HPD: variants seen among roughly 807,000 people sequenced by gnomAD.
The protein encoded by HPD is 4-hydroxyphenylpyruvic acid oxidase.
HPD carries 35 observed loss-of-function variants against 56.9 expected under a neutral mutation model. That is an observed-to-expected ratio of 0.62 (90% confidence interval 0.47 to 0.82). The LOEUF is 0.82. Ranked by LOEUF, HPD falls within the 40% of genes least tolerant of loss-of-function variation. The pLI is 0.00. For missense variants in HPD, 442 were observed against 506.8 expected (o/e 0.87, Z 1.23); for synonymous variants, 186 against 200.2 (o/e 0.93, Z 0.60).
chr12:121,848,998 C>T lies in HPD; in HGVS notation c.596+1G>A, dbSNP rs956518500. ...GCAGAGGGAGAGGGCCAAGGTCTCA[C>T]CATTCGGAGGCGGACACCATCTCCT... On this transcript the variant is annotated splice_donor_variant, in intron 9 of 13. Coordinates refer to ENST00000289004, the MANE Select transcript of HPD (RefSeq NM_002150.3). LOFTEE classifies it high-confidence loss of function. 6.2e-7 allele frequency: 1 copy of T among 1,612,302 alleles called. No individual in the cohort carries two copies.
rs1877480742 is a variant in HPD at position 121,843,705 on chromosome 12, CTCACCTCCAGGGCA to C, written c.945_954+4del. ...ACAAGGCTGCGGATCCTGCCTGGGCCTCACCTCCAGGGCATCAATGTTCTCCTTCACCTTGATCT... is the reference window on the plus strand; with the variant it reads ...ACAAGGCTGCGGATCCTGCCTGGGCCTCAATGTTCTCCTTCACCTTGATCT... On this transcript the variant is annotated splice_donor_variant and splice_donor_region_variant and coding_sequence_variant and intron_variant, in exon 12 of 14. Transcript: ENST00000289004. LOFTEE classifies it high-confidence loss of function. 1 of 1,613,918 alleles carries C rather than the reference CTCACCTCCAGGGCA, an allele frequency of 6.2e-7. No homozygotes were observed. Among genetic ancestry groups the C allele is most frequent in the Admixed American group, 1.7e-5 (1 of 59,968 alleles).
At chr12:121,844,895 TAAATAAA>T (rs146863398) in intron 11 of HPD, among the ~76,000 whole-genome samples, 8,004 of 149,018 alleles carry the variant, frequency 0.054, 404 homozygotes, top group East Asian at 0.22. Flanking sequence ...TAAAATAAAA[TAAATAAA>T]AAATAAAAAA....
chr12:121,856,133 CCAGCATCTGGGCTTGTCACTGTGATG>C lies in HPD; in HGVS notation c.324+165_324+190del, dbSNP rs1185294366. ...CCCCGGAGCCCAGGTGTGTGTCACA[CCAGCATCTGGGCTTGTCACTGTGATG>C]CAGCATCTGGGCTTGTCACTGTGAT... is the stretch of plus-strand genomic sequence containing the variant. On this transcript the variant is annotated intron_variant, in intron 6 of 13. Coordinates refer to ENST00000289004, the MANE Select transcript of HPD (RefSeq NM_002150.3). 99 of 667,044 alleles carry C rather than the reference CCAGCATCTGGGCTTGTCACTGTGATG, an allele frequency of 1.5e-4. 2 individuals are homozygous for C. Among genetic ancestry groups the C allele is most frequent in the South Asian group, 5.0e-4 (30 of 60,510 alleles). The allele number at this position is 667,044 out of a possible 1,614,324, so 41.3% of individuals were successfully genotyped here.
At chr12:121,843,503 T>G (rs750243713) in intron 12 of HPD, among the ~76,000 whole-genome samples, 6 of 152,234 alleles carry the variant, frequency 3.9e-5, no homozygotes, top group Non-Finnish European at 8.8e-5. Flanking sequence ...CTGTTTGAAC[T>G]TCCTGCACTG....
chr12:121,878,110 G>A, the HPD span, among the ~76,000 whole-genome samples: 1 of 152,166 alleles, frequency 6.6e-6, no homozygotes, highest in African/African-American at 2.4e-5. Context: ...GATAGAGGTG[G>A]TGGTTGCACA....
upstream of HPD, among the ~76,000 whole-genome samples, chr12:121,865,660 G>A (rs1878308430): frequency 2.6e-5 from 4 of 151,040 alleles, no homozygotes; most frequent in Admixed American, 1.3e-4. Flanking sequence ...CCATCAACAG[G>A]AGATTGGCTT....
Position 121,848,897 on chromosome 12 carries a change from C to T in HPD, c.596+102G>A, listed in dbSNP as rs952406570. 3.3e-6 allele frequency: 3 copies of T among 915,584 alleles called. No homozygotes were observed. In the African/African-American group the frequency reaches 4.9e-5, roughly 15 times the overall value. The allele number at this position is 915,584 out of a possible 1,614,324, so 56.7% of individuals were successfully genotyped here. On this transcript the variant is annotated intron_variant, in intron 9 of 13. Transcript: ENST00000289004. Reference sequence around the variant, plus strand: ...CTGGGATTACGGGTGTGAGCCACTGCACCCAGTCGTATTTTCCATGTTAGT... The same window carrying T: ...CTGGGATTACGGGTGTGAGCCACTGTACCCAGTCGTATTTTCCATGTTAGT...
the HPD span, among the ~76,000 whole-genome samples, chr12:121,882,182 T>C: frequency 1.2e-4 from 19 of 152,072 alleles, no homozygotes; most frequent in Admixed American, 2.0e-4. Context: ...CCTTGTTTTA[T>C]AGATTCAGGA....
intron 7 of HPD, among the ~76,000 whole-genome samples, chr12:121,850,472 C>CTTTT (rs572420297): frequency 6.7e-5 from 8 of 120,160 alleles, no homozygotes; most frequent in Admixed American, 1.9e-4. Flanking sequence ...CTTTAACCAT[C>CTTTT]TTTTTTTTTT....
upstream of HPD, among the ~76,000 whole-genome samples, chr12:121,865,593 G>GA (rs749573130): frequency 2.3e-4 from 34 of 146,958 alleles, no homozygotes; most frequent in African/African-American, 4.4e-4. Context: ...CAAAAAAAAG[G>GA]AAAAAAAAAA....
At chr12:121,857,247 T>A (rs1878034772) in intron 4 of HPD, 81 bp downstream of exon 4, 1 of 943,160 alleles carries the variant, frequency 1.1e-6, no homozygotes. Flanking sequence ...GCCCAGCTAA[T>A]TTTTCTATTT....
chr12:121,861,688 T>C (rs900300531), upstream of HPD, among the ~76,000 whole-genome samples: 2 of 152,192 alleles, frequency 1.3e-5, no homozygotes, highest in African/African-American at 4.8e-5. Flanking sequence ...TGAGCCCTTG[T>C]GAAACCACAC....
chr12:121,840,834 G>T (rs1045673308), intron 12 of HPD, among the ~76,000 whole-genome samples: 2 of 151,646 alleles, frequency 1.3e-5, no homozygotes, highest in African/African-American at 4.8e-5. Context: ...GAGGCAGGTG[G>T]ATCACCTGAG....
In HPD at chr12:121,853,807, GC is replaced by G. The variant is rs1163904384; in HGVS notation, c.414+895del. Among the ~76,000 whole-genome samples, 7 of 151,812 alleles carry G rather than the reference GC, an allele frequency of 4.6e-5. No homozygotes were observed. The East Asian group carries it at 1.4e-3, about 29-fold the overall frequency. ...AAAAACACAAAAATTAGCCGTGTGT[GC>G]GGGTGGATGCCTGTAATCCCCAGGA... On this transcript the variant is annotated intron_variant, in intron 7 of 13. Transcript: ENST00000289004.
chr12:121,875,050 G>A, the HPD span, among the ~76,000 whole-genome samples: 10 of 152,222 alleles, frequency 6.6e-5, no homozygotes, highest in East Asian at 3.9e-4. Flanking sequence ...GTGAGCCACC[G>A]TGCCTGGCCT....
chr12:121,849,843 G>C (rs539329246), intron 7 of HPD, 53 bp from the exon 8 acceptor site: 19 of 1,190,198 alleles, frequency 1.6e-5, no homozygotes, highest in Middle Eastern at 5.0e-4. Flanking sequence ...CCCCGCCGAG[G>C]ACAGAGCACA....
chr12:121,866,381 T>TAA (rs11397109), upstream of HPD, among the ~76,000 whole-genome samples: 20 of 145,094 alleles, frequency 1.4e-4, no homozygotes, highest in African/African-American at 2.5e-4. Context: ...ATGTTACGTT[T>TAA]AAAAAAAAAA....
the HPD span, among the ~76,000 whole-genome samples, chr12:121,875,412 CCT>C: frequency 6.6e-6 from 1 of 151,298 alleles, no homozygotes. Context: ...TTTTTCTCCC[CCT>C]TTTTCTTTCT....
At chr12:121,851,106 G>A (rs182427043) in intron 7 of HPD, among the ~76,000 whole-genome samples, 1 of 151,168 alleles carries the variant, frequency 6.6e-6, no homozygotes, top group Admixed American at 6.6e-5. Context: ...CAGGTGATCC[G>A]CCCCCTTGGC....
Sources: allele counts gnomAD v4.1 joint callset (sites outside exome capture counted in the v4.1 genomes callset), GRCh38; gene constraint gnomAD v4.1.1; transcripts MANE v1.5; gene names NCBI Gene and HGNC (gene_info 2026-07-23, HGNC 2026-07-21).